RPTOR: variants seen among roughly 807,000 people sequenced by gnomAD.
The protein encoded by RPTOR is regulatory-associated protein of mTOR.
RPTOR carries 21 observed loss-of-function variants against 169.9 expected under a neutral mutation model. That is an observed-to-expected ratio of 0.12 (90% CI 0.09 to 0.18). The LOEUF (loss-of-function observed/expected upper bound fraction) is 0.18, where lower values mean the gene tolerates loss of function less well. RPTOR is among the 10% of genes least tolerant of loss of function. The probability of loss-of-function intolerance (pLI) is 1.00; values close to 1 mark genes in which losing one functional copy is unlikely to be tolerated. For missense variants in RPTOR, 1,133 were observed against 1,855.9 expected (o/e 0.61, Z 7.16); for synonymous variants, 732 against 753.2 (o/e 0.97, Z 0.46).
rs77734083 is a variant in RPTOR at position 80,960,288 on chromosome 17, G to A, written c.3605+83G>A. On this transcript the variant is annotated intron_variant, in intron 30 of 33. Transcript: ENST00000306801. The surrounding 1 kb of genome is among the most constrained non-coding windows in gnomAD (Gnocchi z 4.8). ...AGGGCCGTGTCACTGCCATTTGGTT[G>A]GGTCCAGGTTTCTCAGTGAGATGCA... is the stretch of plus-strand genomic sequence containing the variant. The A allele has an allele frequency of 0.025, 38,678 of 1,568,490 alleles. 698 individuals are homozygous for A. Among genetic ancestry groups the A allele is most frequent in the African/African-American group, 0.077 (5,715 of 74,124 alleles).
chr17:80,675,597 C>T (rs1346238205), intron 3 of RPTOR, among the ~76,000 whole-genome samples: 3 of 152,340 alleles, frequency 2.0e-5, no homozygotes, highest in African/African-American at 4.8e-5. Context: ...GGCGTTGCCT[C>T]CTGCCCCTCA....
At chr17:80,807,625 T>A (rs7223654) in intron 7 of RPTOR, among the ~76,000 whole-genome samples, 6,404 of 152,300 alleles carry the variant, frequency 0.042, 435 homozygotes, top group African/African-American at 0.15. Context: ...GGGCTGGGGT[T>A]ACAGGCATGA....
intron 9 of RPTOR, among the ~76,000 whole-genome samples, chr17:80,830,752 CTT>C (rs34990055): frequency 3.5e-5 from 5 of 142,714 alleles, no homozygotes; most frequent in Admixed American, 7.0e-5. Context: ...TCATTTTCAT[CTT>C]TTTTTTTTTT....
intron 4 of RPTOR, among the ~76,000 whole-genome samples, chr17:80,710,312 T>C (rs2066177400): frequency 6.6e-6 from 1 of 152,050 alleles, no homozygotes; most frequent in South Asian, 2.1e-4. Flanking sequence ...TGCTTTTTAT[T>C]TGTCCTTCTT....
At position 80,966,157 on chromosome 17, in the gene RPTOR, T is replaced by C. The variant is rs1186915561; in HGVS notation, c.*1827T>C. On this transcript the variant is annotated 3_prime_UTR_variant, in exon 34 of 34. Coordinates refer to ENST00000306801, the MANE Select transcript of RPTOR (RefSeq NM_020761.3). ...CGCTCCACCCTGGAGCCCACCCCCA[T>C]GGGCACCGCGTGCCGCCTGCACGTG... The C allele has an allele frequency of 1.7e-5, 2 of 115,144 alleles. No homozygotes were observed. Among genetic ancestry groups the C allele is most frequent in the African/African-American group, 4.5e-5 (1 of 22,332 alleles). 7.1% of individuals were successfully genotyped at this position (115,144 alleles called of 1,614,324 possible).
intron 22 of RPTOR, among the ~76,000 whole-genome samples, chr17:80,923,059 C>T (rs988805443): frequency 6.6e-6 from 1 of 152,226 alleles, no homozygotes; most frequent in Non-Finnish European, 1.5e-5. Context: ...TTCATGTGCA[C>T]ATCATCTCAG....
chr17:80,770,486 G>T (rs879414373), intron 6 of RPTOR, among the ~76,000 whole-genome samples: 23 of 152,202 alleles, frequency 1.5e-4, no homozygotes, highest in Non-Finnish European at 3.1e-4. Flanking sequence ...ATTTCATCCA[G>T]CAGGGGCAGC....
chr17:80,811,964 G>A lies in RPTOR; in HGVS notation c.891-10237G>A, dbSNP rs372076472. ...ACAAGGCTTAAACCTCACTCCACCC[G>A]TGGGACACAGCCACAGCCTCTTTAA... On this transcript the variant is annotated intron_variant, in intron 7 of 33. Transcript: ENST00000306801. 9.6e-5 allele frequency among the ~76,000 whole-genome samples: 14 copies of A among 145,266 alleles called. No individual in the cohort carries two copies. In the East Asian group the frequency reaches 1.0e-3, roughly 11 times the overall value.
chr17:80,958,358 T>C (rs1210857813), intron 29 of RPTOR, among the ~76,000 whole-genome samples: 1 of 150,852 alleles, frequency 6.6e-6, no homozygotes, highest in East Asian at 1.9e-4. Flanking sequence ...CCCAAAGCAC[T>C]GGGATTATAG....
At chr17:80,813,058 C>T (rs2067289159) in intron 7 of RPTOR, among the ~76,000 whole-genome samples, 2 of 152,322 alleles carry the variant, frequency 1.3e-5, no homozygotes, top group Non-Finnish European at 1.5e-5. Context: ...AGAGGCCGCT[C>T]CTCTACCTTT....
Position 80,965,240 on chromosome 17 carries a change from G to A in RPTOR, c.*910G>A, listed in dbSNP as rs374243988. 1,020 of 233,358 alleles carry A rather than the reference G, an allele frequency of 4.4e-3. 9 individuals carry two copies. The highest frequency in any genetic ancestry group is 0.024 in the Middle Eastern group (19 of 790). The allele number at this position is 233,358 out of a possible 1,614,324, so 14.5% of individuals were successfully genotyped here. ...GGTGTAGCACACGCATGTGCAGATG[G>A]CACCACGGCCGGCACCTGGGGGCAC... On this transcript the variant is annotated 3_prime_UTR_variant, in exon 34 of 34. Transcript: ENST00000306801.
At chr17:80,614,306 A>G (rs1208551362) in intron 1 of RPTOR, among the ~76,000 whole-genome samples, 1 of 152,314 alleles carries the variant, frequency 6.6e-6, no homozygotes, top group African/African-American at 2.4e-5. Context: ...ACCTTGTCTC[A>G]TGCTTGAAAT....
At chr17:80,798,222 C>A (rs760546545) in intron 7 of RPTOR, among the ~76,000 whole-genome samples, 148 of 152,292 alleles carry the variant, frequency 9.7e-4, no homozygotes, top group Non-Finnish European at 1.8e-3. Flanking sequence ...AACCCTGTAA[C>A]CAACTTCCCT....
intron 2 of RPTOR, among the ~76,000 whole-genome samples, chr17:80,634,126 G>A (rs1289695677): frequency 6.6e-6 from 1 of 151,704 alleles, no homozygotes; most frequent in African/African-American, 2.4e-5. Context: ...TACTGTGTGT[G>A]TGTGTGCATA....
chr17:80,924,252 C>T (rs1399054773), intron 23 of RPTOR: 1 of 152,440 alleles, frequency 6.6e-6, no homozygotes, highest in African/African-American at 2.4e-5. Flanking sequence ...GGTCCGGAGA[C>T]CTCGGCTGTC....
intron 2 of RPTOR, among the ~76,000 whole-genome samples, chr17:80,639,808 T>A (rs1333821086): frequency 6.6e-6 from 1 of 152,172 alleles, no homozygotes; most frequent in Non-Finnish European, 1.5e-5. Flanking sequence ...GAGTGCCAGC[T>A]CTTTGGAAGG....
chr17:80,615,732 G>A (rs928514099), intron 1 of RPTOR, among the ~76,000 whole-genome samples: 19 of 152,074 alleles, frequency 1.2e-4, no homozygotes, highest in African/African-American at 4.1e-4. Flanking sequence ...CACCGTGACA[G>A]CTTCCTGGCT....
intron 21 of RPTOR, among the ~76,000 whole-genome samples, chr17:80,922,321 G>A (rs773952347): frequency 2.0e-5 from 3 of 152,234 alleles, no homozygotes; most frequent in Non-Finnish European, 4.4e-5. Context: ...GGCTGGGACA[G>A]TGTGGAGGCC....
intron 6 of RPTOR, among the ~76,000 whole-genome samples, chr17:80,768,472 C>T (rs2066810059): frequency 6.6e-6 from 1 of 152,224 alleles, no homozygotes. Flanking sequence ...GTTCAGCCCA[C>T]AGTTGGGCTC....
Sources: gnomAD v4.1 joint callset for allele counts (sites outside exome capture counted in the v4.1 genomes callset) on GRCh38, gnomAD v4.1.1 for gene constraint, Gnocchi (gnomAD v3.1) non-coding constraint, MANE v1.5 for transcripts, NCBI Gene and HGNC (gene_info 2026-07-23, HGNC 2026-07-21) for gene names.